The following TFDP2 variants were observed in gnomAD, a reference collection of about 807,000 sequenced individuals.
The protein encoded by TFDP2 is transcription factor Dp-2 (E2F dimerization partner 2).
A neutral mutation model predicts 59.3 loss-of-function variants in TFDP2; 17 were observed. That is an observed-to-expected ratio of 0.29 (90% CI 0.20 to 0.43). The LOEUF is 0.43. Ranked by LOEUF, TFDP2 falls within the 20% of genes least tolerant of loss-of-function variation. The pLI is 1.00. For missense variants in TFDP2, 391 were observed against 528.8 expected, an observed-to-expected ratio of 0.74 and a Z score of 2.56; for synonymous variants, 180 against 194.7, an observed-to-expected ratio of 0.92 and a Z score of 0.63.
At position 142,141,481 on chromosome 3, in the gene TFDP2, G is replaced by A. The variant is rs530377751; in HGVS notation, c.-93+7702C>T. 2.0e-5 allele frequency among the ~76,000 whole-genome samples: 3 copies of A among 152,292 alleles called. No individual in the cohort carries two copies. The East Asian group carries it at 5.8e-4, about 29-fold the overall frequency. On this transcript the variant is annotated intron_variant, in intron 1 of 12. Coordinates refer to ENST00000489671, the MANE Select transcript of TFDP2 (RefSeq NM_001178139.2). Reference sequence around the variant, plus strand: ...ACGCTGGGAGCTGCAGACTGGAGCTGTTCCTATTCGGCCATCTTGAACGAA... The same window carrying A: ...ACGCTGGGAGCTGCAGACTGGAGCTATTCCTATTCGGCCATCTTGAACGAA...
intron 3 of TFDP2, among the ~76,000 whole-genome samples, chr3:142,081,681 T>A (rs147553186): frequency 1.4e-3 from 209 of 152,322 alleles, no homozygotes; most frequent in African/African-American, 4.9e-3. Context: ...CATTAGTGGC[T>A]ACTAGGAGCA....
intron 3 of TFDP2, among the ~76,000 whole-genome samples, chr3:142,059,636 AT>A (rs962283103): frequency 3.3e-5 from 5 of 151,170 alleles, no homozygotes; most frequent in African/African-American, 9.7e-5. Flanking sequence ...GTGGAGTGCA[AT>A]GGTGTAATCT....
chr3:142,136,632 T>C (rs985199503), intron 1 of TFDP2, among the ~76,000 whole-genome samples: 3 of 152,146 alleles, frequency 2.0e-5, no homozygotes, highest in African/African-American at 7.2e-5. Context: ...TTCAGCTTTC[T>C]ACATATGGCT....
intron 1 of TFDP2, among the ~76,000 whole-genome samples, chr3:142,128,234 C>T (rs1242976695): frequency 6.6e-6 from 1 of 152,122 alleles, no homozygotes; most frequent in Admixed American, 6.5e-5. Context: ...GCCCCTTCTG[C>T]ATCCCAGCAA....
intron 11 of TFDP2, among the ~76,000 whole-genome samples, chr3:141,955,493 G>A (rs1473959137): frequency 6.6e-6 from 1 of 151,972 alleles, no homozygotes; most frequent in Non-Finnish European, 1.5e-5. Context: ...AGCGTGGAGA[G>A]AGGAAAGCTG....
rs1185156977 is a variant in TFDP2 at position 141,995,011 on chromosome 3, C to A, written c.308+9G>T. On this transcript the variant is annotated intron_variant, in intron 5 of 12. Coordinates refer to ENST00000489671, the MANE Select transcript of TFDP2 (RefSeq NM_001178139.2). ...AGGTTTTAAAAATAGTAACTTGCAA[C>A]ACTCTTACCCAGGGACCCAGCCAGT... is the stretch of plus-strand genomic sequence containing the variant. 6.5e-7 allele frequency: 1 copy of A among 1,545,760 alleles called. No individual in the cohort carries two copies. Among genetic ancestry groups the A allele is most frequent in the Non-Finnish European group, 8.7e-7 (1 of 1,148,464 alleles).
At chr3:141,956,423 G>T (rs1484902531) in intron 11 of TFDP2, among the ~76,000 whole-genome samples, 1 of 151,902 alleles carries the variant, frequency 6.6e-6, no homozygotes, top group African/African-American at 2.4e-5. Context: ...GTGGTGGTGG[G>T]CGCCTGTAAT....
At chr3:142,023,983 T>C (rs1290309730) in intron 3 of TFDP2, among the ~76,000 whole-genome samples, 1 of 151,878 alleles carries the variant, frequency 6.6e-6, no homozygotes, top group African/African-American at 2.4e-5. Context: ...GTATTTTTTG[T>C]AGAGACAGGA....
At chr3:141,980,460 C>T (rs34026748) in intron 6 of TFDP2, among the ~76,000 whole-genome samples, 11,313 of 152,060 alleles carry the variant, frequency 0.074, 525 homozygotes, top group Non-Finnish European at 0.11. Flanking sequence ...TTGTTAACTA[C>T]AGCAACCTAT....
intron 3 of TFDP2, among the ~76,000 whole-genome samples, chr3:142,042,067 G>C (rs1438629325): frequency 6.6e-6 from 1 of 152,076 alleles, no homozygotes; most frequent in Non-Finnish European, 1.5e-5. Flanking sequence ...CAGCTTTATA[G>C]TAGGCCTCAA....
At chr3:142,104,109 A>T (rs2061400679) in intron 1 of TFDP2, among the ~76,000 whole-genome samples, 2 of 152,218 alleles carry the variant, frequency 1.3e-5, no homozygotes, top group Admixed American at 1.3e-4. Flanking sequence ...ATAAATTTAA[A>T]AATCGAAGTA....
chr3:142,097,552 G>A (rs2061198531), intron 2 of TFDP2, among the ~76,000 whole-genome samples: 1 of 152,002 alleles, frequency 6.6e-6, no homozygotes, highest in Non-Finnish European at 1.5e-5. Flanking sequence ...AATTAAGTGG[G>A]CAAGGTGCCT....
Position 141,950,296 on chromosome 3 carries a change from G to A in TFDP2, c.*2217C>T, listed in dbSNP as rs1473483536. ...TGGTGACCATGATGTCACTCTGTGA[G>A]CTGGCCTCACCAGTAACCCAAACAC... On this transcript the variant is annotated 3_prime_UTR_variant, in exon 13 of 13. Coordinates refer to ENST00000489671, the MANE Select transcript of TFDP2 (RefSeq NM_001178139.2). 1.3e-5 allele frequency: 2 copies of A among 152,182 alleles called. No individual in the cohort carries two copies. The highest frequency in any genetic ancestry group is 4.8e-5 in the African/African-American group (2 of 41,440). The allele number at this position is 152,182 out of a possible 1,614,324, so 9.4% of individuals were successfully genotyped here. A position where few individuals can be genotyped will look rare whatever the true frequency, so the allele number is the denominator to read the frequency against.
At chr3:142,015,597 C>T (rs780451830) in intron 3 of TFDP2, among the ~76,000 whole-genome samples, 6 of 152,152 alleles carry the variant, frequency 3.9e-5, no homozygotes, top group Non-Finnish European at 7.3e-5. Context: ...CCTCTGCTAA[C>T]ACTCTGGTCC....
At chr3:142,050,492 G>A (rs1057003501) in intron 3 of TFDP2, among the ~76,000 whole-genome samples, 4 of 151,688 alleles carry the variant, frequency 2.6e-5, no homozygotes, top group Non-Finnish European at 4.4e-5. Flanking sequence ...TCAGGAGATC[G>A]AGACCATCCT....
intron 3 of TFDP2, among the ~76,000 whole-genome samples, chr3:142,059,834 G>A (rs1050134113): frequency 5.9e-5 from 9 of 151,622 alleles, no homozygotes; most frequent in African/African-American, 1.9e-4. Context: ...TGACTGCCTC[G>A]GCCTCCCAAA....
chr3:142,126,847 G>A (rs2062273241), intron 1 of TFDP2, among the ~76,000 whole-genome samples: 1 of 151,410 alleles, frequency 6.6e-6, no homozygotes, highest in African/African-American at 2.4e-5. Flanking sequence ...TCAGGAGGCT[G>A]AGGCAGGAGA....
intron 1 of TFDP2, among the ~76,000 whole-genome samples, chr3:142,141,043 C>T (rs143710547): frequency 0.056 from 8,578 of 152,242 alleles, 326 homozygotes; most frequent in Non-Finnish European, 0.078. Flanking sequence ...GCTTCCTGGC[C>T]GCTTTGTTTA....
intron 2 of TFDP2, among the ~76,000 whole-genome samples, chr3:142,094,428 C>CCAGGTAG (rs1279776102): frequency 6.6e-6 from 1 of 151,954 alleles, no homozygotes; most frequent in Non-Finnish European, 1.5e-5. Flanking sequence ...CCTCAGCCTC[C>CCAGGTAG]CAGGTAGCTG....
Sources: allele counts gnomAD v4.1 joint callset (sites outside exome capture counted in the v4.1 genomes callset), GRCh38; gene constraint gnomAD v4.1.1; transcripts MANE v1.5; gene names NCBI Gene and HGNC (gene_info 2026-07-23, HGNC 2026-07-21).